Variants in KAZN observed in about 807,000 individuals in gnomAD.
The protein encoded by KAZN is kazrin.
KAZN carries 40 observed loss-of-function variants against 87.4 expected under a neutral mutation model. That is an observed-to-expected ratio of 0.46 (90% CI 0.36 to 0.60). KAZN has a LOEUF of 0.60. Among genes scored for constraint, KAZN ranks in the 20% least tolerant of loss-of-function variants. The pLI is 0.00. For synonymous variants in KAZN, 466 were observed against 458.3 expected (o/e 1.02, Z -0.22); for missense variants, 898 against 1,073.9 (o/e 0.84, Z 2.29).
At chr1:14,994,045 G>T (rs1667630478) in intron 2 of KAZN, among the ~76,000 whole-genome samples, 1 of 152,250 alleles carries the variant, frequency 6.6e-6, no homozygotes, top group South Asian at 2.1e-4. Flanking sequence ...TGGGGCGACA[G>T]TGGGCATCTC....
intron 2 of KAZN, among the ~76,000 whole-genome samples, chr1:14,289,677 T>C (rs1216642453): frequency 6.6e-6 from 1 of 152,210 alleles, no homozygotes; most frequent in Non-Finnish European, 1.5e-5. Context: ...TTAGCCCATT[T>C]ACATTTAAGG....
rs530410208 is a variant in KAZN, at chr1:14,534,518, A to T, written c.250-64465A>T. On this transcript the variant is annotated intron_variant, in intron 2 of 16. Coordinates refer to the KAZN transcript ENST00000636203. ...AAATTAGCCAGGCGTGGTGGCGGGT[A>T]CCTGTCATTCCAGCTACTGGGGAGG... is the stretch of plus-strand genomic sequence containing the variant. Among the ~76,000 whole-genome samples, 59 of 152,136 alleles carry T rather than the reference A, an allele frequency of 3.9e-4. 2 individuals carry two copies. Among genetic ancestry groups the T allele is most frequent in the South Asian group, 2.1e-4 (1 of 4,812 alleles).
At chr1:14,298,189 C>T (rs936714069) in intron 2 of KAZN, among the ~76,000 whole-genome samples, 10 of 152,164 alleles carry the variant, frequency 6.6e-5, no homozygotes, top group Non-Finnish European at 1.0e-4. Flanking sequence ...CATGCTACTG[C>T]ACTCCAGACT....
intron 2 of KAZN, among the ~76,000 whole-genome samples, chr1:14,229,729 A>G (rs1441580095): frequency 2.6e-5 from 4 of 152,276 alleles, no homozygotes; most frequent in African/African-American, 9.6e-5. Flanking sequence ...CTTGAGGGAC[A>G]CCAGCCTTCA....
intron 12 of KAZN, among the ~76,000 whole-genome samples, chr1:15,103,673 G>A (rs1641179221): frequency 2.0e-5 from 3 of 151,220 alleles, no homozygotes; most frequent in Admixed American, 1.3e-4. Context: ...TGTTATTCAG[G>A]AGGAGGGAAC....
intron 2 of KAZN, among the ~76,000 whole-genome samples, chr1:14,285,963 C>T (rs1016708209): frequency 6.6e-6 from 1 of 152,136 alleles, no homozygotes; most frequent in Non-Finnish European, 1.5e-5. Flanking sequence ...ACTAAAGACG[C>T]CATATCAAGA....
chr1:14,209,956 C>T (rs1401749257), intron 2 of KAZN, among the ~76,000 whole-genome samples: 2 of 152,118 alleles, frequency 1.3e-5, no homozygotes, highest in East Asian at 3.9e-4. Context: ...TTTATGTCTC[C>T]CTCTGATGTA....
At chr1:14,427,432 G>T (rs1316974976) in intron 2 of KAZN, among the ~76,000 whole-genome samples, 1 of 152,096 alleles carries the variant, frequency 6.6e-6, no homozygotes, top group Non-Finnish European at 1.5e-5. Context: ...TATTGTAATT[G>T]TTTTTTGTAG....
intron 1 of KAZN, among the ~76,000 whole-genome samples, chr1:14,716,483 C>T (rs1042475716): frequency 2.0e-5 from 3 of 152,140 alleles, no homozygotes; most frequent in African/African-American, 7.2e-5. Context: ...TTCCCACTGC[C>T]GCCCAGAAAT....
chr1:14,183,432 T>C (rs543613431), intron 2 of KAZN, among the ~76,000 whole-genome samples: 137 of 152,254 alleles, frequency 9.0e-4, no homozygotes, highest in African/African-American at 3.2e-3. Flanking sequence ...AGCACCTCTA[T>C]TTGCATTCCA....
chr1:14,697,214 C>T (rs1269372314), intron 1 of KAZN, among the ~76,000 whole-genome samples: 2 of 151,426 alleles, frequency 1.3e-5, no homozygotes, highest in East Asian at 3.9e-4. Flanking sequence ...CTTGTGGTCC[C>T]AGCTACTCCA....
upstream of KAZN, among the ~76,000 whole-genome samples, chr1:14,594,919 G>T (rs1676397042): frequency 6.6e-6 from 1 of 152,162 alleles, no homozygotes; most frequent in African/African-American, 2.4e-5. Context: ...GGCCAAGGCA[G>T]GTGGATCACA....
intron 1 of KAZN, among the ~76,000 whole-genome samples, chr1:14,166,117 C>T (rs1645820340): frequency 1.3e-5 from 2 of 152,296 alleles, no homozygotes; most frequent in South Asian, 4.1e-4. Context: ...AAATTTGAGA[C>T]CAGCCTGGCC....
chr1:14,897,729 T>C (rs1254746411), intron 1 of KAZN, among the ~76,000 whole-genome samples: 2 of 152,200 alleles, frequency 1.3e-5, no homozygotes. Context: ...GCTTCTGCAA[T>C]CTGGCCGTTG....
intron 2 of KAZN, among the ~76,000 whole-genome samples, chr1:14,343,550 G>A (rs12068349): frequency 0.1 from 15,803 of 152,148 alleles, 1,771 homozygotes; most frequent in African/African-American, 0.28. Context: ...GGCACCATGT[G>A]TGATGCTTTT....
At chr1:14,060,808 T>C (rs1444603734) in intron 1 of KAZN, among the ~76,000 whole-genome samples, 2 of 152,234 alleles carry the variant, frequency 1.3e-5, no homozygotes, top group African/African-American at 4.8e-5. Flanking sequence ...ATAATTATCC[T>C]GGAATAGCAG....
intron 1 of KAZN, among the ~76,000 whole-genome samples, chr1:14,894,980 A>G (rs768217468): frequency 4.6e-5 from 7 of 152,232 alleles, no homozygotes; most frequent in Non-Finnish European, 1.0e-4. Context: ...GCCATTTGGC[A>G]CAGAAGGCAC....
At chr1:14,877,302 A>G (rs996301959) in intron 1 of KAZN, among the ~76,000 whole-genome samples, 4 of 152,174 alleles carry the variant, frequency 2.6e-5, no homozygotes, top group African/African-American at 4.8e-5. Flanking sequence ...CCTTATTGCT[A>G]AGGATCGCCA....
chr1:14,156,059 A>G lies in KAZN; in HGVS notation c.92-24376A>G, dbSNP rs554165299. ...GTTTCTATTATCATTTATTGCAAGA[A>G]ATTTTTTAATTTTCTTCTTAATTTC... On this transcript the variant is annotated intron_variant, in intron 1 of 16. Transcript: ENST00000636203. Among the ~76,000 whole-genome samples the G allele has an allele frequency of 3.3e-5, 5 of 152,234 alleles. No individual in the cohort carries two copies. The South Asian group carries it at 6.2e-4, about 19-fold the overall frequency.
Sources: allele counts gnomAD v4.1 joint callset (sites outside exome capture counted in the v4.1 genomes callset), GRCh38; gene constraint gnomAD v4.1.1; transcripts MANE v1.5; gene names NCBI Gene and HGNC (gene_info 2026-07-23, HGNC 2026-07-21).